PLEKHG3: variants seen among roughly 807,000 people sequenced by gnomAD.
The protein encoded by PLEKHG3 is pleckstrin homology domain-containing family G member 3.
Under a neutral mutation model 94.9 loss-of-function variants are expected in PLEKHG3, and 62 were observed. The ratio of observed to expected loss-of-function variants is 0.65; its 90% CI spans 0.53 to 0.81. The LOEUF (loss-of-function observed/expected upper bound fraction) is 0.81. Among genes scored for constraint, PLEKHG3 ranks in the 30% least tolerant of loss-of-function variants. The pLI is 0.00. For synonymous variants in PLEKHG3, 614 were observed against 654.0 expected (o/e 0.94, Z 0.93); for missense variants, 1,461 against 1,619.3 (o/e 0.90, Z 1.68).
At position 64,738,219 on chromosome 14, in the gene PLEKHG3, G is replaced by A. The variant is rs1301475979; in HGVS notation, c.1405-523G>A. ...CAACGCTTTACTTTTCTCCCGGGGCGCTATGGTGAGGTGTCTCTTCGATCT... is the reference window on the plus strand; with the variant it reads ...CAACGCTTTACTTTTCTCCCGGGGCACTATGGTGAGGTGTCTCTTCGATCT... On this transcript the variant is annotated intron_variant, in intron 14 of 16. Coordinates refer to ENST00000247226, the MANE Select transcript of PLEKHG3 (RefSeq NM_001308147.2). This position sits in a 1 kb window ranked among gnomAD's most constrained non-coding sequence, Gnocchi z 4.8. 3.1e-5 allele frequency: 40 copies of A among 1,287,858 alleles called. No individual in the cohort carries two copies. Among genetic ancestry groups the A allele is most frequent in the Admixed American group, 2.1e-4 (9 of 43,524 alleles). 79.8% of individuals were successfully genotyped at this position (1,287,858 alleles called of 1,614,324 possible). A position where few individuals can be genotyped will look rare whatever the true frequency, so the allele number is the denominator to read the frequency against.
chr14:64,714,322 TC>T (rs1029990348), intron 1 of PLEKHG3, among the ~76,000 whole-genome samples: 1 of 152,160 alleles, frequency 6.6e-6, no homozygotes, highest in African/African-American at 2.4e-5. Flanking sequence ...GGAAGGCTCA[TC>T]CCCCAAAGCT....
At position 64,745,968 on chromosome 14, in the gene PLEKHG3, T is replaced by TAGAG. The variant is rs1331817612; in HGVS notation, c.*2267_*2270dup. The TAGAG allele has an allele frequency of 6.6e-6, 1 of 152,262 alleles. No homozygotes were observed. The highest frequency in any genetic ancestry group is 2.4e-5 in the African/African-American group (1 of 41,438). The allele number at this position is 152,262 out of a possible 1,614,324, so 9.4% of individuals were successfully genotyped here. A position where few individuals can be genotyped will look rare whatever the true frequency, so the allele number is the denominator to read the frequency against. On this transcript the variant is annotated 3_prime_UTR_variant, in exon 17 of 17. Coordinates refer to ENST00000247226, the MANE Select transcript of PLEKHG3 (RefSeq NM_001308147.2). The surrounding 1 kb of genome is among the most constrained non-coding windows in gnomAD (Gnocchi z 5.0). ...GCCCTCTGGAGGTGAATCCCAGGCT[T>TAGAG]AGAGATTCTGATGATTCTGCGGTCC...
chr14:64,707,232 C>T (rs2080985996), intron 1 of PLEKHG3, among the ~76,000 whole-genome samples: 1 of 152,180 alleles, frequency 6.6e-6, no homozygotes, highest in African/African-American at 2.4e-5. Flanking sequence ...ACTGGAGCCC[C>T]CAGCGGACCT....
intron 14 of PLEKHG3, chr14:64,737,783 T>TCC (rs562681034): frequency 4.6e-5 from 33 of 712,878 alleles, no homozygotes; most frequent in African/African-American, 9.6e-5. Flanking sequence ...GTGTGAAGGC[T>TCC]CCCCCCCCGC....
chr14:64,736,912 G>A, intron 13 of PLEKHG3, 21 bp downstream of exon 13: 1 of 1,602,480 alleles, frequency 6.2e-7, no homozygotes. Context: ...GAGGTGGCCA[G>A]CCATTCCCAG....
Position 64,728,260 on chromosome 14 carries a change from T to A in PLEKHG3, c.351+278T>A, listed in dbSNP as rs1027809865. ...GAGAGCCTGTGCCACAGAGACTGAATGGAGTGAAGACATGGGCTCTGGGCC... is the reference window on the plus strand; with the variant it reads ...GAGAGCCTGTGCCACAGAGACTGAAAGGAGTGAAGACATGGGCTCTGGGCC... On this transcript the variant is annotated intron_variant, in intron 2 of 16. Coordinates refer to ENST00000247226, the MANE Select transcript of PLEKHG3 (RefSeq NM_001308147.2). The surrounding 1 kb of genome is among the most constrained non-coding windows in gnomAD (Gnocchi z 5.9). Among the ~76,000 whole-genome samples the A allele has an allele frequency of 1.3e-5, 2 of 152,170 alleles. No individual in the cohort carries two copies. Among genetic ancestry groups the A allele is most frequent in the African/African-American group, 4.8e-5 (2 of 41,448 alleles).
In PLEKHG3 at chr14:64,726,545, C is replaced by T. The variant is rs1250341965; in HGVS notation, c.-39-1048C>T. On this transcript the variant is annotated intron_variant, in intron 1 of 16. Coordinates refer to ENST00000247226, the MANE Select transcript of PLEKHG3 (RefSeq NM_001308147.2). The surrounding 1 kb of genome is among the most constrained non-coding windows in gnomAD (Gnocchi z 5.1). ...AGCCTGAAGTAGTCTGGCCACTCCA[C>T]CCTTCCATCCCCCGGCTGCTCCAGG... Among the ~76,000 whole-genome samples the T allele has an allele frequency of 6.6e-6, 1 of 152,084 alleles. No homozygotes were observed. Among genetic ancestry groups the T allele is most frequent in the African/African-American group, 2.4e-5 (1 of 41,384 alleles).
At position 64,732,019 on chromosome 14, in the gene PLEKHG3, G is replaced by A. The variant is rs980961814; in HGVS notation, c.1126-76G>A. On this transcript the variant is annotated intron_variant, in intron 9 of 16. Coordinates refer to ENST00000247226, the MANE Select transcript of PLEKHG3 (RefSeq NM_001308147.2). This position sits in a 1 kb window ranked among gnomAD's most constrained non-coding sequence, Gnocchi z 4.9. Reference sequence around the variant, plus strand: ...ATGGCCCCACTTTTTCTCCCTGGGTGGAAGCACTGTCCATGCTAGACAGCT... The same window carrying A: ...ATGGCCCCACTTTTTCTCCCTGGGTAGAAGCACTGTCCATGCTAGACAGCT... 2.4e-5 allele frequency: 27 copies of A among 1,126,200 alleles called. No homozygotes were observed. Among genetic ancestry groups the A allele is most frequent in the Non-Finnish European group, 8.1e-6 (6 of 738,552 alleles). 69.8% of individuals were successfully genotyped at this position (1,126,200 alleles called of 1,614,324 possible). A position where few individuals can be genotyped will look rare whatever the true frequency, so the allele number is the denominator to read the frequency against.
chr14:64,749,876 G>T lies in PLEKHG3; in HGVS notation c.*6173G>T. On this transcript the variant is annotated 3_prime_UTR_variant, in exon 17 of 17. Transcript: ENST00000247226. The surrounding 1 kb of genome is among the most constrained non-coding windows in gnomAD (Gnocchi z 4.7). ...CTCTTTGATTTGAAAAACCCCTGAG[G>T]AGCAGCTCAGGCCTGGCACTGGTCC... 1 of 1,530,330 alleles carries T rather than the reference G, an allele frequency of 6.5e-7. No homozygotes were observed. The highest frequency in any genetic ancestry group is 1.1e-5 in the South Asian group (1 of 88,690). The allele number at this position is 1,530,330 out of a possible 1,614,324, so 94.8% of individuals were successfully genotyped here. A position where few individuals can be genotyped will look rare whatever the true frequency, so the allele number is the denominator to read the frequency against.
In PLEKHG3 at chr14:64,730,930, A is replaced by G; in HGVS notation, c.698A>G (p.Lys233Arg). ...CTGAAGCCAGTCCAGCGCATCCTCA[A>G]GTACCACCTGCTGCTCCAGGTAGCC... ...YLLKPVQRILKYHLLLQEIAK... is the reference protein window; with the variant it reads ...YLLKPVQRILRYHLLLQEIAK... The change falls in exon 6 of 17, where the codon AAG (lysine) becomes AGG (arginine). Residue 233 changes from lysine to arginine, a missense_variant. This residue lies in a region of PLEKHG3 where 7 missense variants were observed against 26.0 expected (regional missense o/e 0.27). Transcript: ENST00000247226. This position sits in a 1 kb window ranked among gnomAD's most constrained non-coding sequence, Gnocchi z 5.4. The G allele has an allele frequency of 1.2e-6, 2 of 1,613,116 alleles. No homozygotes were observed. The highest frequency in any genetic ancestry group is 1.7e-6 in the Non-Finnish European group (2 of 1,179,886).
chr14:64,741,390 AAGTCC>A lies in PLEKHG3; in HGVS notation c.1877_1881del (p.Ser626TrpfsTer71). 1 of 1,613,332 alleles carries A rather than the reference AAGTCC, an allele frequency of 6.2e-7. No homozygotes were observed. Among genetic ancestry groups the A allele is most frequent in the East Asian group, 2.2e-5 (1 of 44,876 alleles). ...GAGCAGCGTGGCACAGGAGGACAGC[AAGTCC>A]AGTGGCTTTGGGAGCCCGCGGCTGG... On this transcript the variant is annotated frameshift_variant, in exon 16 of 17. Transcript: ENST00000247226. LOFTEE classifies it high-confidence loss of function.
chr14:64,718,467 A>C lies in PLEKHG3; in HGVS notation c.-39-9126A>C, dbSNP rs114604000. On this transcript the variant is annotated intron_variant, in intron 1 of 16. Transcript: ENST00000247226. The surrounding 1 kb of genome is among the most constrained non-coding windows in gnomAD (Gnocchi z 5.0). ...TTTGCCTTATAGCATATAAGCTCTG[A>C]AGAGTGGAGTCTGTGTGTGACTTGT... 2.2e-3 allele frequency among the ~76,000 whole-genome samples: 333 copies of C among 152,238 alleles called. 1 individual carries two copies. Among genetic ancestry groups the C allele is most frequent in the African/African-American group, 7.9e-3 (326 of 41,524 alleles).
rs1000145896 is a variant in PLEKHG3, at chr14:64,716,176, C to G, written c.-39-11417C>G. On this transcript the variant is annotated intron_variant, in intron 1 of 16. Coordinates refer to ENST00000247226, the MANE Select transcript of PLEKHG3 (RefSeq NM_001308147.2). This position sits in a 1 kb window ranked among gnomAD's most constrained non-coding sequence, Gnocchi z 5.0. ...TCAACTCCGGGCCTCTAAGCCTTGC[C>G]GGACTTCCCCCAGGAAACCCAGCCA... The G allele has an allele frequency of 2.6e-6, 1 of 386,034 alleles. No individual in the cohort carries two copies. The highest frequency in any genetic ancestry group is 5.2e-6 in the Non-Finnish European group (1 of 192,046). The allele number at this position is 386,034 out of a possible 1,614,324, so 23.9% of individuals were successfully genotyped here.
rs368155619 is a variant in PLEKHG3, at chr14:64,738,861, C to T, written c.1518+6C>T. The T allele has an allele frequency of 3.2e-6, 5 of 1,546,584 alleles. No individual in the cohort carries two copies. Among genetic ancestry groups the T allele is most frequent in the East Asian group, 2.4e-5 (1 of 42,322 alleles). On this transcript the variant is annotated splice_donor_region_variant and intron_variant, in intron 15 of 16. Transcript: ENST00000247226. This position sits in a 1 kb window ranked among gnomAD's most constrained non-coding sequence, Gnocchi z 4.8. ...CCATTTCTTCCCTGCCAGAGGTGAG[C>T]GACCAGCAGGTGGGATGGGGATAGT...
chr14:64,721,014 T>A lies in PLEKHG3; in HGVS notation c.-39-6579T>A, dbSNP rs2081254291. On this transcript the variant is annotated intron_variant, in intron 1 of 16. Coordinates refer to ENST00000247226, the MANE Select transcript of PLEKHG3 (RefSeq NM_001308147.2). This position sits in a 1 kb window ranked among gnomAD's most constrained non-coding sequence, Gnocchi z 4.3. Reference sequence around the variant, plus strand: ...TATGATCACATCAGGCCCACCGGGCTAATCCAGGATAATCTTCCATCTTAA... The same window carrying A: ...TATGATCACATCAGGCCCACCGGGCAAATCCAGGATAATCTTCCATCTTAA... 1.3e-5 allele frequency among the ~76,000 whole-genome samples: 2 copies of A among 152,246 alleles called. No homozygotes were observed. Among genetic ancestry groups the A allele is most frequent in the African/African-American group, 4.8e-5 (2 of 41,466 alleles).
In PLEKHG3 at chr14:64,738,896, T is replaced by G; in HGVS notation, c.1518+41T>G. On this transcript the variant is annotated intron_variant, in intron 15 of 16. Transcript: ENST00000247226. The surrounding 1 kb of genome is among the most constrained non-coding windows in gnomAD (Gnocchi z 4.8). ...GTGGGATGGGGATAGTAGGAAGAAC[T>G]TGGAGTCCAGATTTTCAAGTCTGCA... is the stretch of plus-strand genomic sequence containing the variant. 1 of 1,297,522 alleles carries G rather than the reference T, an allele frequency of 7.7e-7. No homozygotes were observed. Among genetic ancestry groups the G allele is most frequent in the Non-Finnish European group, 1.1e-6 (1 of 914,712 alleles). 80.4% of individuals were successfully genotyped at this position (1,297,522 alleles called of 1,614,324 possible).
In PLEKHG3 at chr14:64,743,815, G is replaced by C. The variant is rs55888623; in HGVS notation, c.*112G>C. 1 of 1,202,980 alleles carries C rather than the reference G, an allele frequency of 8.3e-7. No individual in the cohort carries two copies. Among genetic ancestry groups the C allele is most frequent in the South Asian group, 1.6e-5 (1 of 61,788 alleles). 74.5% of individuals were successfully genotyped at this position (1,202,980 alleles called of 1,614,324 possible). On this transcript the variant is annotated 3_prime_UTR_variant, in exon 17 of 17. Coordinates refer to ENST00000247226, the MANE Select transcript of PLEKHG3 (RefSeq NM_001308147.2). The surrounding 1 kb of genome is among the most constrained non-coding windows in gnomAD (Gnocchi z 7.2). ...CCCTGCCCAGGGCCCTCAGGTGGGCGGAAAGTCCATCCCCTCCGCCCTTCA... is the reference window on the plus strand; with the variant it reads ...CCCTGCCCAGGGCCCTCAGGTGGGCCGAAAGTCCATCCCCTCCGCCCTTCA...
intron 14 of PLEKHG3, chr14:64,737,722 C>G (rs1000953917): frequency 2.1e-5 from 8 of 389,266 alleles, no homozygotes; most frequent in African/African-American, 8.5e-5. Context: ...ATGCCCACCC[C>G]TCCCTGGACC....
In PLEKHG3 at chr14:64,728,981, C is replaced by T. The variant is rs1229990228; in HGVS notation, c.352-15C>T. ...TGTGCCGGGGGCTAGGTTCTGACCA[C>T]CTCCCTCCACGCAGGACTACCTCTT... On this transcript the variant is annotated splice_polypyrimidine_tract_variant and intron_variant, in intron 2 of 16. Transcript: ENST00000247226. This position sits in a 1 kb window ranked among gnomAD's most constrained non-coding sequence, Gnocchi z 5.9. The T allele has an allele frequency of 8.1e-7, 1 of 1,241,096 alleles. No individual in the cohort carries two copies. The highest frequency in any genetic ancestry group is 1.1e-6 in the Non-Finnish European group (1 of 879,238). 76.9% of individuals were successfully genotyped at this position (1,241,096 alleles called of 1,614,324 possible). A position where few individuals can be genotyped will look rare whatever the true frequency, so the allele number is the denominator to read the frequency against.
Sources: gnomAD v4.1 joint callset for allele counts (sites outside exome capture counted in the v4.1 genomes callset) on GRCh38, gnomAD v4.1.1 for gene constraint, gnomAD v4.1.1 regional missense constraint, Gnocchi (gnomAD v3.1) non-coding constraint, MANE v1.5 for transcripts, NCBI Gene and HGNC (gene_info 2026-07-23, HGNC 2026-07-21) for gene names.